SEC14L5: variants seen among roughly 807,000 people sequenced by gnomAD.
The protein encoded by SEC14L5 is SEC14 like lipid binding 5.
In SEC14L5, 96 loss-of-function variants were observed where a neutral mutation model predicts 84.6. The observed-to-expected ratio is 1.13, with a 90% CI of 0.96 to 1.34. The LOEUF is 1.34. Among genes scored for constraint, SEC14L5 ranks in the 40% most tolerant of loss-of-function variants. The pLI is 0.00. For missense variants in SEC14L5, 1,224 were observed against 942.5 expected (o/e 1.30, Z -3.91); for synonymous variants, 546 against 383.4 (o/e 1.42, Z -4.95).
intron 2 of SEC14L5, among the ~76,000 whole-genome samples, chr16:4,962,702 A>AAC (rs1555527612): frequency 5.9e-5 from 9 of 151,510 alleles, no homozygotes; most frequent in African/African-American, 1.7e-4. Flanking sequence ...AAAAAAAAAA[A>AAC]AAAAAACTTC....
At chr16:4,980,295 C>G (rs1189146609) in intron 2 of SEC14L5, among the ~76,000 whole-genome samples, 1 of 152,174 alleles carries the variant, frequency 6.6e-6, no homozygotes. Flanking sequence ...GCTCGAATGT[C>G]CCCCCGAAAC....
In SEC14L5 at chr16:4,991,987, C is replaced by T. The variant is rs776854645; in HGVS notation, c.624C>T (p.Pro208=). The part of the protein sequence containing the change: ...RDPSSLEAHG[P]RSTLGPALEA... ...CCAGCTCCCTGGAGGCCCACGGGCC[C>T]CGTAGCACCCTGGGGCCCGCTCTGG... Residue 208 remains proline (P), a synonymous_variant, in exon 6 of 16, where the codon CCC becomes CCT. Coordinates refer to ENST00000251170, the MANE Select transcript of SEC14L5 (RefSeq NM_014692.2). 4 of 1,585,140 alleles carry T rather than the reference C, an allele frequency of 2.5e-6. No individual in the cohort carries two copies. Among genetic ancestry groups the T allele is most frequent in the Non-Finnish European group, 3.4e-6 (4 of 1,171,042 alleles).
At chr16:4,968,389 G>A (rs1955233539) in intron 2 of SEC14L5, among the ~76,000 whole-genome samples, 1 of 152,192 alleles carries the variant, frequency 6.6e-6, no homozygotes, top group Non-Finnish European at 1.5e-5. Context: ...ATATTGGTCA[G>A]GCTGGTCTCG....
At chr16:4,990,583 G>A (rs1434160798) in intron 4 of SEC14L5, among the ~76,000 whole-genome samples, 184 bp from the exon 5 acceptor site, 3 of 152,246 alleles carry the variant, frequency 2.0e-5, no homozygotes, top group Admixed American at 2.0e-4. Flanking sequence ...TTCCCTGACA[G>A]TTTGAACTTT....
chr16:5,007,580 TTTTTC>T (rs1955745879), intron 13 of SEC14L5, 94 bp downstream of exon 13: 1 of 1,037,116 alleles, frequency 9.6e-7, no homozygotes, highest in Non-Finnish European at 1.4e-6. Context: ...TGAGGATTCT[TTTTTC>T]TTTTCTTTCT....
At chr16:4,982,900 A>G (rs1007912921) in intron 2 of SEC14L5, among the ~76,000 whole-genome samples, 7 of 152,200 alleles carry the variant, frequency 4.6e-5, no homozygotes, top group Non-Finnish European at 1.0e-4. Flanking sequence ...GGCTCACAGG[A>G]AGCACATTAC....
chr16:4,983,619 G>A (rs1955452290), intron 2 of SEC14L5, among the ~76,000 whole-genome samples: 1 of 151,360 alleles, frequency 6.6e-6, no homozygotes, highest in African/African-American at 2.4e-5. Flanking sequence ...GCTCACGCTT[G>A]TAATCCCAGC....
At chr16:4,962,365 G>T (rs1412496148) in intron 2 of SEC14L5, among the ~76,000 whole-genome samples, 1 of 152,012 alleles carries the variant, frequency 6.6e-6, no homozygotes, top group Non-Finnish European at 1.5e-5. Context: ...TGACACCTGT[G>T]GGTAGAGTGA....
rs1003086720 is a variant in SEC14L5 at position 5,014,872 on chromosome 16, A to C, written c.1993A>C (p.Ser665Arg). ...CTTCCTCCCCAGGGGCTCCATGTCC[A>C]GCCTGGAATCCTGCACCAGCGGCTT... is the stretch of plus-strand genomic sequence containing the variant. ...ASEDFRGSMS[S>R]LESCTSGFSQ... Residue 665 changes from serine to arginine, a missense_variant, in exon 16 of 16, where the codon AGC (serine) becomes CGC (arginine). Ser to Arg is a moderately radical substitution (Grantham distance 110). Transcript: ENST00000251170. The C allele has an allele frequency of 1.9e-6, 3 of 1,613,754 alleles. No individual in the cohort carries two copies. Among genetic ancestry groups the C allele is most frequent in the Admixed American group, 1.7e-5 (1 of 60,018 alleles).
At chr16:4,959,537 G>A (rs1955093348) in intron 2 of SEC14L5, among the ~76,000 whole-genome samples, 151 bp downstream of exon 2, 1 of 152,122 alleles carries the variant, frequency 6.6e-6, no homozygotes, top group Non-Finnish European at 1.5e-5. Context: ...CTTCTATCCA[G>A]TGACCTCTCT....
chr16:4,973,278 GAC>G (rs1391713402), intron 2 of SEC14L5, among the ~76,000 whole-genome samples: 2 of 152,202 alleles, frequency 1.3e-5, no homozygotes, highest in Non-Finnish European at 2.9e-5. Context: ...ACGCTGTTCT[GAC>G]CCTGTGTCTC....
At chr16:5,004,757 A>G (rs147048840) in intron 11 of SEC14L5, among the ~76,000 whole-genome samples, 108 of 152,300 alleles carry the variant, frequency 7.1e-4, no homozygotes, top group African/African-American at 2.4e-3. Flanking sequence ...TGCCATGCCA[A>G]GGGCTCCTTC....
intron 11 of SEC14L5, among the ~76,000 whole-genome samples, chr16:5,004,680 G>A (rs1189804328): frequency 6.6e-6 from 1 of 152,150 alleles, no homozygotes; most frequent in Non-Finnish European, 1.5e-5. Flanking sequence ...GGCCCTGCAC[G>A]GGGGGATTGC....
At chr16:5,012,909 A>AG (rs922796143) in intron 15 of SEC14L5, among the ~76,000 whole-genome samples, 1 of 149,828 alleles carries the variant, frequency 6.7e-6, no homozygotes, top group Non-Finnish European at 1.5e-5. Context: ...AAAAAGGAAA[A>AG]AAAAAAAACC....
In SEC14L5 at chr16:4,987,729, G is replaced by A. The variant is rs1955507603; in HGVS notation, c.213+23G>A. 4.8e-6 allele frequency: 7 copies of A among 1,467,908 alleles called. No homozygotes were observed. The Admixed American group carries it at 9.7e-5, about 20-fold the overall frequency. The allele number at this position is 1,467,908 out of a possible 1,614,324, so 90.9% of individuals were successfully genotyped here. On this transcript the variant is annotated intron_variant, in intron 3 of 15. Coordinates refer to ENST00000251170, the MANE Select transcript of SEC14L5 (RefSeq NM_014692.2). The stretch of plus-strand genomic sequence containing the variant: ...AAGGTGGGCGGCCCTGGGGCTGGGG[G>A]GCGGAGGAGGGGACCTGTTGCGGAG...
At chr16:4,976,686 C>A (rs1214840415) in intron 2 of SEC14L5, among the ~76,000 whole-genome samples, 2 of 152,194 alleles carry the variant, frequency 1.3e-5, no homozygotes, top group African/African-American at 4.8e-5. Flanking sequence ...TTGGTCCCTG[C>A]CTGCCCCACT....
chr16:5,014,604 T>A (rs1373593661), intron 15 of SEC14L5, among the ~76,000 whole-genome samples: 4 of 152,318 alleles, frequency 2.6e-5, no homozygotes, highest in African/African-American at 9.6e-5. Flanking sequence ...TGTGGCGGCC[T>A]TAGGGCCATG....
At chr16:4,982,622 A>G (rs982524240) in intron 2 of SEC14L5, among the ~76,000 whole-genome samples, 2 of 152,214 alleles carry the variant, frequency 1.3e-5, no homozygotes, top group Non-Finnish European at 2.9e-5. Flanking sequence ...TGTGAAGGGC[A>G]CAGTGGCATG....
chr16:5,012,423 A>G (rs1310507760), intron 15 of SEC14L5, among the ~76,000 whole-genome samples: 1 of 152,158 alleles, frequency 6.6e-6, no homozygotes, highest in Non-Finnish European at 1.5e-5. Context: ...TCATGAGAAA[A>G]TCAGTTCAAA....
Sources: gnomAD v4.1 joint callset for allele counts (sites outside exome capture counted in the v4.1 genomes callset) on GRCh38, gnomAD v4.1.1 for gene constraint, MANE v1.5 for transcripts, NCBI Gene and HGNC (gene_info 2026-07-23, HGNC 2026-07-21) for gene names.